Variants in ARHGEF3 observed in about 807,000 individuals in gnomAD.
The protein encoded by ARHGEF3 is Rho guanine nucleotide exchange factor 3, also known as 59.8 kDA protein.
A neutral mutation model predicts 63.2 loss-of-function variants in ARHGEF3; 28 were observed. The ratio of observed to expected loss-of-function variants is 0.44; its 90% CI spans 0.33 to 0.61. The LOEUF is 0.61. Among genes scored for constraint, ARHGEF3 ranks in the 20% least tolerant of loss-of-function variants. ARHGEF3 has a pLI of 0.03. For missense variants in ARHGEF3, 533 were observed against 659.3 expected, an observed-to-expected ratio of 0.81 and a Z score of 2.10; for synonymous variants, 266 against 254.2, an observed-to-expected ratio of 1.05 and a Z score of -0.44.
At chr3:56,967,750 T>C (rs1385363582) in intron 2 of ARHGEF3, among the ~76,000 whole-genome samples, 1 of 86,014 alleles carries the variant, frequency 1.2e-5, no homozygotes, top group Non-Finnish European at 2.0e-5. Context: ...ATATATATTA[T>C]ATATACAATT....
rs1268134061 is a variant in ARHGEF3 at position 56,737,460 on chromosome 3, A to C, written c.871-105T>G. The C allele has an allele frequency of 4.7e-6, 4 of 845,814 alleles. No homozygotes were observed. The African/African-American group carries it at 6.9e-5, about 15-fold the overall frequency. The allele number at this position is 845,814 out of a possible 1,614,324, so 52.4% of individuals were successfully genotyped here. A position where few individuals can be genotyped will look rare whatever the true frequency, so the allele number is the denominator to read the frequency against. ...AGGACACCAGGACACACCTGGATCTAACTCTGTTATCTAAGTTGCTACTTT... is the reference window on the plus strand; with the variant it reads ...AGGACACCAGGACACACCTGGATCTCACTCTGTTATCTAAGTTGCTACTTT... On this transcript the variant is annotated intron_variant, in intron 7 of 9. Coordinates refer to ENST00000296315, the MANE Select transcript of ARHGEF3 (RefSeq NM_019555.3).
intron 1 of ARHGEF3, among the ~76,000 whole-genome samples, chr3:56,782,514 G>A (rs762068773): frequency 2.6e-5 from 4 of 151,510 alleles, no homozygotes; most frequent in Non-Finnish European, 4.4e-5. Flanking sequence ...TGTTTTCTCC[G>A]GCCGTGAGTT....
chr3:56,860,214 G>A (rs982799818), intron 4 of ARHGEF3, among the ~76,000 whole-genome samples: 28 of 151,918 alleles, frequency 1.8e-4, no homozygotes, highest in African/African-American at 6.0e-4. Context: ...GTCTCACTCT[G>A]TCACCCAGGA....
intron 3 of ARHGEF3, among the ~76,000 whole-genome samples, chr3:56,897,586 G>C (rs1409476220): frequency 6.7e-6 from 1 of 150,078 alleles, no homozygotes; most frequent in Non-Finnish European, 1.5e-5. Context: ...TTTTGAGATG[G>C]AGTCTCCCTC....
intron 2 of ARHGEF3, among the ~76,000 whole-genome samples, chr3:57,023,239 T>G (rs1579110852): frequency 6.6e-6 from 1 of 152,330 alleles, no homozygotes; most frequent in South Asian, 2.1e-4. Context: ...ATGTTAGTTT[T>G]ATAGGTGGAT....
At chr3:57,067,569 T>A (rs1705620439) in intron 1 of ARHGEF3, among the ~76,000 whole-genome samples, 1 of 150,908 alleles carries the variant, frequency 6.6e-6, no homozygotes, top group Non-Finnish European at 1.5e-5. Flanking sequence ...GTGCAGTGGC[T>A]CACACCTGTA....
At chr3:56,810,213 G>A (rs928690383) in intron 4 of ARHGEF3, among the ~76,000 whole-genome samples, 6 of 151,936 alleles carry the variant, frequency 3.9e-5, no homozygotes, top group Admixed American at 2.6e-4. Context: ...GTATTTTGTC[G>A]AACCTAAGAC....
intron 3 of ARHGEF3, among the ~76,000 whole-genome samples, chr3:56,930,644 A>C (rs1038084937): frequency 1.3e-5 from 2 of 152,232 alleles, no homozygotes; most frequent in African/African-American, 4.8e-5. Context: ...TGAGTTTGGT[A>C]GTGGAAATAT....
chr3:57,017,487 C>CA (rs1219463021), intron 2 of ARHGEF3, among the ~76,000 whole-genome samples: 1 of 152,154 alleles, frequency 6.6e-6, no homozygotes. Flanking sequence ...GAGCGTTTTT[C>CA]AAAATAAAAA....
intron 4 of ARHGEF3, among the ~76,000 whole-genome samples, chr3:56,878,888 C>T (rs572155699): frequency 9.1e-4 from 139 of 152,352 alleles, no homozygotes; most frequent in African/African-American, 3.1e-3. Context: ...TAGCCACTCT[C>T]CATCTTTCTC....
intron 3 of ARHGEF3, among the ~76,000 whole-genome samples, chr3:56,945,224 A>G (rs1200483091): frequency 6.6e-6 from 1 of 152,068 alleles, no homozygotes; most frequent in East Asian, 1.9e-4. Flanking sequence ...TGCGTTTCCA[A>G]CTGAGGTACT....
chr3:56,755,585 C>G (rs944004059), intron 2 of ARHGEF3, among the ~76,000 whole-genome samples: 5 of 152,212 alleles, frequency 3.3e-5, no homozygotes, highest in Non-Finnish European at 7.3e-5. Context: ...TAGAATCCCA[C>G]TAACTTTGGG....
intron 2 of ARHGEF3, among the ~76,000 whole-genome samples, chr3:56,961,860 T>C (rs1407340148): frequency 2.0e-5 from 3 of 152,066 alleles, no homozygotes; most frequent in Non-Finnish European, 4.4e-5. Context: ...CTGGGCAACA[T>C]AGGGAAACAC....
chr3:57,062,627 C>A (rs1705290722), intron 1 of ARHGEF3, among the ~76,000 whole-genome samples: 1 of 152,200 alleles, frequency 6.6e-6, no homozygotes, highest in African/African-American at 2.4e-5. Flanking sequence ...CTCAGCAAAA[C>A]ACTATGTAGC....
chr3:56,748,159 C>T (rs2034504865), intron 6 of ARHGEF3, among the ~76,000 whole-genome samples: 1 of 152,160 alleles, frequency 6.6e-6, no homozygotes, highest in Non-Finnish European at 1.5e-5. Context: ...CTCAGCCTCT[C>T]AAATAGCTAG....
At chr3:56,901,169 G>A (rs953771317) in intron 3 of ARHGEF3, among the ~76,000 whole-genome samples, 10 of 152,154 alleles carry the variant, frequency 6.6e-5, no homozygotes, top group Admixed American at 3.9e-4. Flanking sequence ...TCAGATTCCA[G>A]CATAGACCAG....
intron 4 of ARHGEF3, among the ~76,000 whole-genome samples, chr3:56,851,087 C>T (rs1223093119): frequency 6.6e-6 from 1 of 152,072 alleles, no homozygotes; most frequent in Non-Finnish European, 1.5e-5. Context: ...ACCTGAGGGC[C>T]CTGGTTGTGT....
intron 4 of ARHGEF3, among the ~76,000 whole-genome samples, chr3:56,879,990 T>C (rs2040712579): frequency 6.6e-6 from 1 of 152,242 alleles, no homozygotes; most frequent in Non-Finnish European, 1.5e-5. Flanking sequence ...TGGCCACATC[T>C]AGATCTGTCA....
At chr3:56,813,964 C>A (rs1428864275) in intron 4 of ARHGEF3, among the ~76,000 whole-genome samples, 1 of 152,190 alleles carries the variant, frequency 6.6e-6, no homozygotes, top group Non-Finnish European at 1.5e-5. Flanking sequence ...GGCCAAGCAT[C>A]TGTACCAGCT....
Sources: allele counts gnomAD v4.1 joint callset (sites outside exome capture counted in the v4.1 genomes callset), GRCh38; gene constraint gnomAD v4.1.1; transcripts MANE v1.5; gene names NCBI Gene and HGNC (gene_info 2026-07-23, HGNC 2026-07-21).